SFRP1: variants seen among roughly 807,000 people sequenced by gnomAD.
SFRP1 encodes secreted frizzled related protein 1, also known as secreted frizzled-related protein 1.
SFRP1 carries 9 observed loss-of-function variants against 25.9 expected under a neutral mutation model. The ratio of observed to expected loss-of-function variants is 0.35; its 90% CI spans 0.21 to 0.61. The LOEUF (loss-of-function observed/expected upper bound fraction) is 0.61. Ranked by LOEUF, SFRP1 falls within the 20% of genes least tolerant of loss-of-function variation. The probability of loss-of-function intolerance (pLI) is 0.78; values close to 1 mark genes in which losing one functional copy is unlikely to be tolerated. For synonymous variants in SFRP1, 178 were observed against 174.0 expected (o/e 1.02, Z -0.18); for missense variants, 346 against 418.2 (o/e 0.83, Z 1.51).
At chr8:41,288,519 G>C (rs1175132569) in intron 2 of SFRP1, among the ~76,000 whole-genome samples, 6 of 99,956 alleles carry the variant, frequency 6.0e-5, no homozygotes, top group Non-Finnish European at 1.1e-4. Flanking sequence ...CCTGGGCAAA[G>C]AGACCCTGTC....
At chr8:41,283,127 G>A (rs909027923) in intron 2 of SFRP1, among the ~76,000 whole-genome samples, 5 of 152,096 alleles carry the variant, frequency 3.3e-5, no homozygotes, top group African/African-American at 1.2e-4. Context: ...TCTCTTTCTA[G>A]ATGTAGATTT....
At chr8:41,289,142 C>T (rs1209366078) in intron 2 of SFRP1, among the ~76,000 whole-genome samples, 2 of 152,220 alleles carry the variant, frequency 1.3e-5, no homozygotes, top group Non-Finnish European at 2.9e-5. Context: ...AAGGTGAAGG[C>T]CAGTGTTCCC....
intron 2 of SFRP1, among the ~76,000 whole-genome samples, chr8:41,278,856 G>A (rs1803601825): frequency 6.6e-6 from 1 of 152,198 alleles, no homozygotes; most frequent in South Asian, 2.1e-4. Context: ...GACAAAGTTA[G>A]TCCAATGCCT....
intron 1 of SFRP1, chr8:41,306,859 A>C (rs1352666530): frequency 1.3e-6 from 2 of 1,597,378 alleles, no homozygotes; most frequent in Non-Finnish European, 1.7e-6. Flanking sequence ...CCATCCCATC[A>C]CAGCCTTTTG....
At chr8:41,300,406 A>C (rs964645468) in intron 2 of SFRP1, among the ~76,000 whole-genome samples, 7 of 152,196 alleles carry the variant, frequency 4.6e-5, no homozygotes, top group African/African-American at 1.7e-4. Context: ...TGGGCTGAAG[A>C]AATTGCCACC....
chr8:41,303,569 G>A, intron 1 of SFRP1, 31 bp from the exon 2 acceptor site: 1 of 1,571,192 alleles, frequency 6.4e-7, no homozygotes, highest in South Asian at 1.1e-5. Context: ...AAACGGAACT[G>A]TAAGTTACAG....
At chr8:41,284,497 G>A (rs1331392003) in intron 2 of SFRP1, among the ~76,000 whole-genome samples, 1 of 151,936 alleles carries the variant, frequency 6.6e-6, no homozygotes. Flanking sequence ...GCGTCAGCAG[G>A]GACCCTCAGT....
At chr8:41,275,076 G>A in intron 2 of SFRP1, 1 of 351,044 alleles carries the variant, frequency 2.8e-6, no homozygotes, top group Non-Finnish European at 5.6e-6. Context: ...TCATTTTTCA[G>A]ATAACAAAAT....
chr8:41,297,731 G>C (rs569709620), intron 2 of SFRP1, among the ~76,000 whole-genome samples: 29 of 152,170 alleles, frequency 1.9e-4, no homozygotes, highest in Middle Eastern at 3.4e-3. Context: ...TTTAATCCAA[G>C]TCTGTCTCGC....
intron 2 of SFRP1, among the ~76,000 whole-genome samples, chr8:41,296,535 C>G (rs1803846070): frequency 1.3e-5 from 2 of 151,072 alleles, no homozygotes; most frequent in African/African-American, 4.9e-5. Flanking sequence ...ATTGGGGCTT[C>G]CAGCACATTT....
intron 2 of SFRP1, among the ~76,000 whole-genome samples, chr8:41,290,059 C>T (rs10098898): frequency 0.24 from 36,676 of 152,122 alleles, 6,599 homozygotes; most frequent in African/African-American, 0.49. Flanking sequence ...GGAGGGCACA[C>T]GTACACAGCT....
intron 2 of SFRP1, among the ~76,000 whole-genome samples, chr8:41,266,033 G>A (rs183251276): frequency 6.4e-4 from 97 of 152,210 alleles, no homozygotes; most frequent in African/African-American, 2.3e-3. Context: ...ACACATGGTG[G>A]CAGGCGCCCA....
chr8:41,299,662 CAAAAAAAA>C (rs61141419), intron 2 of SFRP1, among the ~76,000 whole-genome samples: 10 of 66,372 alleles, frequency 1.5e-4, no homozygotes, highest in South Asian at 1.4e-3. Flanking sequence ...GACTTAGTCT[CAAAAAAAA>C]AAAAAAAAAA....
intron 2 of SFRP1, chr8:41,275,394 G>C (rs1319730622): frequency 4.2e-6 from 1 of 238,854 alleles, no homozygotes; most frequent in East Asian, 1.7e-4. Context: ...TGATTCCTAA[G>C]AGACTTGCTT....
At position 41,265,021 on chromosome 8, in the gene SFRP1, G is replaced by A; in HGVS notation, c.*146C>T. The stretch of plus-strand genomic sequence containing the variant: ...CGTGGCTATGGAGGGAAGGGAGCGG[G>A]AATGCTGCAAGAACAAGCCGACTGG... On this transcript the variant is annotated 3_prime_UTR_variant, in exon 3 of 3. Transcript: ENST00000220772. 3.1e-6 allele frequency: 2 copies of A among 636,956 alleles called. No individual in the cohort carries two copies. The highest frequency in any genetic ancestry group is 5.4e-6 in the Non-Finnish European group (2 of 371,014). The allele number at this position is 636,956 out of a possible 1,614,324, so 39.5% of individuals were successfully genotyped here.
intron 1 of SFRP1, chr8:41,306,687 T>C (rs756341716): frequency 8.2e-6 from 13 of 1,590,976 alleles, no homozygotes; most frequent in Admixed American, 1.7e-5. Context: ...CTTTTCTCTT[T>C]GCTCCTCAAA....
chr8:41,276,033 C>T (rs1292459245), intron 2 of SFRP1, among the ~76,000 whole-genome samples: 2 of 152,180 alleles, frequency 1.3e-5, no homozygotes, highest in Admixed American at 1.3e-4. Flanking sequence ...ATGTGAGCCA[C>T]CACACCAGTC....
chr8:41,293,584 A>T (rs1803804050), intron 2 of SFRP1, among the ~76,000 whole-genome samples: 1 of 151,786 alleles, frequency 6.6e-6, no homozygotes, highest in Admixed American at 6.6e-5. Flanking sequence ...TTAGATCCTC[A>T]TCTTCTCTAG....
At chr8:41,300,976 G>C (rs994600609) in intron 2 of SFRP1, among the ~76,000 whole-genome samples, 2 of 152,152 alleles carry the variant, frequency 1.3e-5, no homozygotes, top group African/African-American at 4.8e-5. Flanking sequence ...AACTGAGCAG[G>C]TACAGTGCAG....
Sources: allele counts gnomAD v4.1 joint callset (sites outside exome capture counted in the v4.1 genomes callset), GRCh38; gene constraint gnomAD v4.1.1; transcripts MANE v1.5; gene names NCBI Gene and HGNC (gene_info 2026-07-23, HGNC 2026-07-21).